The following ZNF721 variants were observed in gnomAD, a reference collection of about 807,000 sequenced individuals.
ZNF721 encodes zinc finger protein 721.
ZNF721 carries 2 observed loss-of-function variants against 2.4 expected under a neutral mutation model. The observed-to-expected ratio is 0.82, with a 90% confidence interval of 0.34 to 2.58. The LOEUF is 2.58. ZNF721 is among the 30% of genes most tolerant of loss of function. The pLI is 0.11. For synonymous variants in ZNF721, 398 were observed against 381.8 expected, an observed-to-expected ratio of 1.04 and a Z score of -0.50; for missense variants, 1,187 against 1,085.5, an observed-to-expected ratio of 1.09 and a Z score of -1.31.
chr4:453,887 G>A (rs1185404578), intron 2 of ZNF721: 2 of 152,110 alleles, frequency 1.3e-5, no homozygotes, highest in African/African-American at 4.8e-5. Context: ...TGCATCAAAA[G>A]CCTTGGTATC....
At chr4:446,286 T>C (rs577550841) in intron 2 of ZNF721, among the ~76,000 whole-genome samples, 1 of 152,224 alleles carries the variant, frequency 6.6e-6, no homozygotes, top group Non-Finnish European at 1.5e-5. Flanking sequence ...AAAATGATCA[T>C]AAACTGTTGA....
chr4:469,892 C>CT (rs1211527736), intron 2 of ZNF721, among the ~76,000 whole-genome samples: 5 of 151,484 alleles, frequency 3.3e-5, no homozygotes, highest in African/African-American at 4.8e-5. Context: ...AAAAGTAGAA[C>CT]TTTTTTTTTG....
At chr4:485,968 C>T (rs1261081059) in intron 1 of ZNF721, among the ~76,000 whole-genome samples, 2 of 151,720 alleles carry the variant, frequency 1.3e-5, no homozygotes, top group African/African-American at 2.4e-5. Flanking sequence ...AGCGAGACTC[C>T]ATCTAAAAAA....
rs1553862945 is a variant in ZNF721, at chr4:440,513, CTGAT to C, written c.*1178_*1181del. On this transcript the variant is annotated 3_prime_UTR_variant, in exon 3 of 3. Coordinates refer to ENST00000511833, the MANE Select transcript of ZNF721 (RefSeq NM_133474.4). ...TTCAACTTTTGTTATACTTAATACTCTGATTTATTTTAAAGTCTGAAGTGTTAGT... is the reference window on the plus strand; with the variant it reads ...TTCAACTTTTGTTATACTTAATACTCTTATTTTAAAGTCTGAAGTGTTAGT... The C allele has an allele frequency of 6.6e-6, 1 of 152,206 alleles. No individual in the cohort carries two copies. The highest frequency in any genetic ancestry group is 1.5e-5 in the Non-Finnish European group (1 of 68,040). The allele number at this position is 152,206 out of a possible 1,614,324, so 9.4% of individuals were successfully genotyped here. A position where few individuals can be genotyped will look rare whatever the true frequency, so the allele number is the denominator to read the frequency against.
chr4:473,837 G>A (rs1715541985), intron 1 of ZNF721: 2 of 978,558 alleles, frequency 2.0e-6, no homozygotes, highest in Non-Finnish European at 2.8e-6. Flanking sequence ...AGGAGCGCGG[G>A]TCCCTCACCG....
chr4:479,286 C>T (rs1715715397), intron 1 of ZNF721, among the ~76,000 whole-genome samples: 1 of 152,142 alleles, frequency 6.6e-6, no homozygotes, highest in African/African-American at 2.4e-5. Flanking sequence ...GATCTTCTGA[C>T]TTCCTTGCCC....
chr4:485,045 A>G (rs1715860293), intron 1 of ZNF721, among the ~76,000 whole-genome samples: 1 of 152,098 alleles, frequency 6.6e-6, no homozygotes, highest in African/African-American at 2.4e-5. Context: ...GCCGACACTT[A>G]GGGAAAATAG....
Position 443,384 on chromosome 4 carries a change from G to A in ZNF721, c.1083C>T (p.Tyr361=). 1.2e-6 allele frequency: 2 copies of A among 1,614,096 alleles called. No homozygotes were observed. Among genetic ancestry groups the A allele is most frequent in the East Asian group, 4.5e-5 (2 of 44,862 alleles). The change falls in exon 3 of 3, where the codon TAC becomes TAT. Residue 361 remains tyrosine, a synonymous_variant. Transcript: ENST00000511833. ...HRRIHTGEKP[Y]KCEDCGKAFG... is the part of the protein sequence containing the mutation. ...AGGCTTTGCCACAGTCTTCGCATTT[G>A]TAAGGTTTCTCTCCAGTATGAATTC... is the stretch of plus-strand genomic sequence containing the variant.
intron 2 of ZNF721, among the ~76,000 whole-genome samples, chr4:470,437 T>C (rs1399358311): frequency 1.3e-5 from 2 of 152,112 alleles, no homozygotes; most frequent in African/African-American, 4.8e-5. Context: ...GATAGAAATA[T>C]TTGCAAGCGA....
chr4:478,344 G>T (rs1560240599), intron 1 of ZNF721, among the ~76,000 whole-genome samples: 2 of 151,572 alleles, frequency 1.3e-5, no homozygotes, highest in African/African-American at 4.8e-5. Context: ...CTGTTACTTT[G>T]TTTTTTTTGC....
At chr4:477,242 A>C (rs754780075) in intron 1 of ZNF721, among the ~76,000 whole-genome samples, 2 of 146,822 alleles carry the variant, frequency 1.4e-5, no homozygotes, top group Admixed American at 6.9e-5. Context: ...AGAATGAGAC[A>C]CTGGTGAGTT....
intron 1 of ZNF721, among the ~76,000 whole-genome samples, chr4:484,280 A>C (rs1304474401): frequency 6.6e-6 from 1 of 152,104 alleles, no homozygotes; most frequent in Non-Finnish European, 1.5e-5. Context: ...GCTGAGGAGG[A>C]TGTATATCGC....
intron 1 of ZNF721, among the ~76,000 whole-genome samples, chr4:497,975 G>A (rs1716320147): frequency 6.6e-6 from 1 of 151,654 alleles, no homozygotes. Context: ...GGGAGGCCGA[G>A]GCGGGCGGAT....
intron 1 of ZNF721, among the ~76,000 whole-genome samples, chr4:493,183 A>AG (rs1176458766): frequency 6.6e-6 from 1 of 152,000 alleles, no homozygotes; most frequent in African/African-American, 2.4e-5. Flanking sequence ...AAAAAAAAAA[A>AG]AAAAAAATAT....
At chr4:456,048 ATTTTTATTTATTTATT>A (rs1401463602) in intron 2 of ZNF721, among the ~76,000 whole-genome samples, 1 of 110,850 alleles carries the variant, frequency 9.0e-6, no homozygotes, top group African/African-American at 4.2e-5. Context: ...CACCAAAAAA[ATTTTTATTTATTTATT>A]TATTTATTTA....
intron 2 of ZNF721, among the ~76,000 whole-genome samples, chr4:449,374 G>C (rs1362344596): frequency 6.6e-6 from 1 of 151,766 alleles, no homozygotes; most frequent in African/African-American, 2.4e-5. Context: ...AATGGTGCTA[G>C]GAAAATTATC....
At position 440,090 on chromosome 4, in the gene ZNF721, A is replaced by T. The variant is rs570603905; in HGVS notation, c.*1605T>A. On this transcript the variant is annotated 3_prime_UTR_variant, in exon 3 of 3. Coordinates refer to ENST00000511833, the MANE Select transcript of ZNF721 (RefSeq NM_133474.4). The stretch of plus-strand genomic sequence containing the variant: ...TTTATTGCACTTATTACATAAATAT[A>T]CAGTTGGCAAAACAATTTACTACTA... 2.0e-4 allele frequency: 31 copies of T among 152,326 alleles called. No homozygotes were observed. The South Asian group carries it at 5.4e-3, about 26-fold the overall frequency. The allele number at this position is 152,326 out of a possible 1,614,324, so 9.4% of individuals were successfully genotyped here. A position where few individuals can be genotyped will look rare whatever the true frequency, so the allele number is the denominator to read the frequency against.
intron 2 of ZNF721, among the ~76,000 whole-genome samples, chr4:459,122 C>A (rs1162697961): frequency 5.9e-5 from 9 of 152,110 alleles, no homozygotes; most frequent in African/African-American, 2.2e-4. Context: ...TTGTCACCAC[C>A]AGGCCTGCCT....
chr4:468,933 G>T (rs1355524877), intron 2 of ZNF721, among the ~76,000 whole-genome samples: 1 of 152,034 alleles, frequency 6.6e-6, no homozygotes, highest in Non-Finnish European at 1.5e-5. Flanking sequence ...GCAAGAAAAA[G>T]GAGAACAAAG....
Sources: allele counts gnomAD v4.1 joint callset (sites outside exome capture counted in the v4.1 genomes callset), GRCh38; gene constraint gnomAD v4.1.1; transcripts MANE v1.5; gene names NCBI Gene and HGNC (gene_info 2026-07-23, HGNC 2026-07-21).